The following JADE2 variants were observed in gnomAD, a reference collection of about 807,000 sequenced individuals.
JADE2 encodes jade family PHD finger 2.
In JADE2, 13 loss-of-function variants were observed where a neutral mutation model predicts 85.7. That is an observed-to-expected ratio of 0.15 (90% confidence interval 0.10 to 0.24). The LOEUF (loss-of-function observed/expected upper bound fraction) is 0.24. Ranked by LOEUF, JADE2 falls within the 10% of genes least tolerant of loss-of-function variation. JADE2 has a pLI of 1.00. For missense variants in JADE2, 846 were observed against 1,115.9 expected (o/e 0.76, Z 3.45); for synonymous variants, 440 against 456.1 (o/e 0.96, Z 0.45).
In JADE2 at chr5:134,525,669, CAG is replaced by C. The variant is rs1167357098; in HGVS notation, c.-341_-340del. The C allele has an allele frequency of 5.8e-6, 7 of 1,204,994 alleles. No individual in the cohort carries two copies. The highest frequency in any genetic ancestry group is 3.3e-5 in the Admixed American group (1 of 30,368). 74.6% of individuals were successfully genotyped at this position (1,204,994 alleles called of 1,614,324 possible). On this transcript the variant is annotated 5_prime_UTR_variant, in exon 1 of 12. Coordinates refer to ENST00000681547, the MANE Select transcript of JADE2 (RefSeq NM_001388185.1). ...AAGGAAGTCTTGGTTTAAAAAGAAA[CAG>C]AAACATACACAGGGGGTTGGTGAAT... is the stretch of plus-strand genomic sequence containing the variant.
intron 1 of JADE2, among the ~76,000 whole-genome samples, chr5:134,534,049 C>G (rs1425328456): frequency 6.6e-6 from 1 of 152,150 alleles, no homozygotes; most frequent in Non-Finnish European, 1.5e-5. Flanking sequence ...CACGCAGACT[C>G]TGGAAGGCAG....
intron 1 of JADE2, chr5:134,526,663 G>A: frequency 1.0e-6 from 1 of 985,438 alleles, no homozygotes; most frequent in Non-Finnish European, 1.2e-6. Flanking sequence ...GTGCACGCGG[G>A]CGCTGCACGC....
At chr5:134,549,164 C>T (rs1326277619) in intron 3 of JADE2, among the ~76,000 whole-genome samples, 1 of 152,132 alleles carries the variant, frequency 6.6e-6, no homozygotes, top group Non-Finnish European at 1.5e-5. Flanking sequence ...GAAAGTGGCT[C>T]AGTCAGGCAG....
upstream of JADE2, chr5:134,525,610 A>G: frequency 2.3e-5 from 1 of 43,266 alleles, no homozygotes; most frequent in Non-Finnish European, 4.3e-5. Context: ...CCCCACCCCC[A>G]CCCCAACACA....
chr5:134,560,983 A>T, intron 6 of JADE2, 26 bp downstream of exon 6: 2 of 1,597,880 alleles, frequency 1.3e-6, no homozygotes, highest in Non-Finnish European at 1.7e-6. Flanking sequence ...AGTCACCCTC[A>T]CCTGTGCCAT....
chr5:134,579,289 T>C lies in JADE2; in HGVS notation c.2477T>C (p.Val826Ala). The change falls in exon 12 of 12, where the codon GTG becomes GCG. Residue 826 changes from valine to alanine, a missense_variant. Physicochemically the swap from Val to Ala is moderately conservative, Grantham distance 64 (BLOSUM62 0). Coordinates refer to ENST00000681547, the MANE Select transcript of JADE2 (RefSeq NM_001388185.1). This position sits in a 1 kb window ranked among gnomAD's most constrained non-coding sequence, Gnocchi z 4.6. Reference sequence around the variant, plus strand: ...CCCCGGGAGGCAGGGGCAGAGGAGGTGGTCCGCATGGGCGTACTGGCCTCC... The same window carrying C: ...CCCCGGGAGGCAGGGGCAGAGGAGGCGGTCCGCATGGGCGTACTGGCCTCC... ...RGPREAGAEE[V>A]VRMGVLAS 1 of 1,610,848 alleles carries C rather than the reference T, an allele frequency of 6.2e-7. No individual in the cohort carries two copies. The highest frequency in any genetic ancestry group is 8.5e-7 in the Non-Finnish European group (1 of 1,178,924).
chr5:134,544,040 G>T (rs894986325), intron 3 of JADE2, among the ~76,000 whole-genome samples: 1 of 152,252 alleles, frequency 6.6e-6, no homozygotes, highest in Non-Finnish European at 1.5e-5. Flanking sequence ...ACTGTTTGAG[G>T]TAGTGTCCTC....
chr5:134,567,795 G>C (rs543897959), intron 9 of JADE2, among the ~76,000 whole-genome samples: 55 of 152,322 alleles, frequency 3.6e-4, no homozygotes, highest in African/African-American at 1.3e-3. Context: ...ATTGCCCCCA[G>C]AGAGCCCTCA....
In JADE2 at chr5:134,578,633, G is replaced by A; in HGVS notation, c.1821G>A (p.Gly607=). 2 of 1,614,200 alleles carry A rather than the reference G, an allele frequency of 1.2e-6. No homozygotes were observed. The highest frequency in any genetic ancestry group is 1.7e-6 in the Non-Finnish European group (2 of 1,180,048). The change falls in exon 12 of 12, where the codon GGG becomes GGA. Residue 607 remains glycine, a synonymous_variant. Transcript: ENST00000681547. The surrounding 1 kb of genome is among the most constrained non-coding windows in gnomAD (Gnocchi z 4.4). ...NNGHREDPAP[G]LLSEELLQDE... ...GGCACCGCGAGGACCCTGCTCCAGG[G>A]CTGCTGTCAGAGGAACTGCTGCAGG...
intron 9 of JADE2, among the ~76,000 whole-genome samples, chr5:134,573,038 C>T (rs1247713605): frequency 1.3e-5 from 2 of 152,244 alleles, no homozygotes; most frequent in African/African-American, 4.8e-5. Context: ...CATGGGTTGG[C>T]TGCAGGCTGG....
intron 3 of JADE2, among the ~76,000 whole-genome samples, chr5:134,549,048 A>C (rs2149923669): frequency 6.6e-6 from 1 of 152,334 alleles, no homozygotes; most frequent in African/African-American, 2.4e-5. Context: ...AGCCGACAGC[A>C]GGACAAGGCA....
chr5:134,548,538 C>T (rs902743302), intron 3 of JADE2, among the ~76,000 whole-genome samples: 2 of 152,206 alleles, frequency 1.3e-5, no homozygotes, highest in African/African-American at 4.8e-5. Context: ...CCTCCCTGTG[C>T]GTCCATGATT....
At chr5:134,531,883 C>CTGTTTTTTTTTT (rs1761262818) in intron 1 of JADE2, among the ~76,000 whole-genome samples, 1 of 38,476 alleles carries the variant, frequency 2.6e-5, no homozygotes, top group African/African-American at 1.0e-4. Context: ...CCGTGCCTGG[C>CTGTTTTTTTTTT]TTTTTTTTTT....
intron 3 of JADE2, 144 bp from the exon 4 acceptor site, chr5:134,551,908 C>G (rs1762613930): frequency 1.3e-6 from 1 of 766,784 alleles, no homozygotes; most frequent in Non-Finnish European, 2.3e-6. Context: ...ATTTATTGTG[C>G]TGATTGCTTT....
At position 134,579,115 on chromosome 5, in the gene JADE2, G is replaced by A. The variant is rs1176649364; in HGVS notation, c.2303G>A (p.Arg768Lys). The change falls in exon 12 of 12, where the codon AGG (arginine) becomes AAG (lysine). Residue 768 changes from arginine (R) to lysine (K), a missense_variant. Arg to Lys is a conservative substitution (Grantham distance 26). This residue lies in a region of JADE2 where 300 missense variants were observed against 300.7 expected (regional missense o/e 1.00). Coordinates refer to ENST00000681547, the MANE Select transcript of JADE2 (RefSeq NM_001388185.1). The surrounding 1 kb of genome is among the most constrained non-coding windows in gnomAD (Gnocchi z 4.6). ...SKVTRRLPGA[R>K]PDAGMGPPSA... ...GTAACCCGGAGATTGCCGGGTGCCA[G>A]GCCTGATGCTGGGATGGGACCACCT... 4 of 1,614,202 alleles carry A rather than the reference G, an allele frequency of 2.5e-6. No homozygotes were observed. In the South Asian group the frequency reaches 4.4e-5, roughly 18 times the overall value.
chr5:134,562,000 T>C (rs1763351394), intron 6 of JADE2, among the ~76,000 whole-genome samples, 200 bp from the exon 7 acceptor site: 2 of 152,146 alleles, frequency 1.3e-5, no homozygotes, highest in South Asian at 2.1e-4. Context: ...ATTTCAGGCA[T>C]ACAAGCAGGC....
chr5:134,567,649 C>T (rs1271361437), intron 9 of JADE2, among the ~76,000 whole-genome samples: 2 of 152,184 alleles, frequency 1.3e-5, no homozygotes, highest in African/African-American at 2.4e-5. Flanking sequence ...TTATCTGCAT[C>T]GCAGTGGGCA....
chr5:134,558,874 A>G (rs1763150778), intron 4 of JADE2, among the ~76,000 whole-genome samples: 1 of 152,196 alleles, frequency 6.6e-6, no homozygotes, highest in African/African-American at 2.4e-5. Context: ...GGGGGATGGG[A>G]ACACTGGGGC....
rs1185939925 is a variant in JADE2, at chr5:134,540,972, C to T, written c.153+2889C>T. 2.0e-5 allele frequency among the ~76,000 whole-genome samples: 3 copies of T among 152,206 alleles called. No homozygotes were observed. In the East Asian group the frequency reaches 5.8e-4, roughly 29 times the overall value. ...TTCCCCTGCCTCTTGGGTTTTCCAGCCCAGAGCCTTTGTACCTTTCCACAC... is the reference window on the plus strand; with the variant it reads ...TTCCCCTGCCTCTTGGGTTTTCCAGTCCAGAGCCTTTGTACCTTTCCACAC... On this transcript the variant is annotated intron_variant, in intron 3 of 11. Coordinates refer to ENST00000681547, the MANE Select transcript of JADE2 (RefSeq NM_001388185.1).
Sources: gnomAD v4.1 joint callset for allele counts (sites outside exome capture counted in the v4.1 genomes callset) on GRCh38, gnomAD v4.1.1 for gene constraint, gnomAD v4.1.1 regional missense constraint, Gnocchi (gnomAD v3.1) non-coding constraint, MANE v1.5 for transcripts, NCBI Gene and HGNC (gene_info 2026-07-23, HGNC 2026-07-21) for gene names.